PALS2: variants seen among roughly 807,000 people sequenced by gnomAD.
The protein encoded by PALS2 is protein associated with LIN7 2, MAGUK p55 family member.
A neutral mutation model predicts 61.6 loss-of-function variants in PALS2; 27 were observed. That is an observed-to-expected ratio of 0.44 (90% CI 0.32 to 0.60). The LOEUF (loss-of-function observed/expected upper bound fraction) is 0.60, where lower values mean the gene tolerates loss of function less well. Among genes scored for constraint, PALS2 ranks in the 20% least tolerant of loss-of-function variants. The pLI is 0.05. For missense variants in PALS2, 554 were observed against 639.4 expected (o/e 0.87, Z 1.44); for synonymous variants, 236 against 218.6 (o/e 1.08, Z -0.70).
At chr7:24,595,552 A>C (rs1377861966) in intron 1 of PALS2, among the ~76,000 whole-genome samples, 3 of 136,030 alleles carry the variant, frequency 2.2e-5, no homozygotes, top group Admixed American at 7.9e-5. Context: ...ATATAAATAT[A>C]TATTAACTAT....
intron 5 of PALS2, among the ~76,000 whole-genome samples, chr7:24,655,786 A>C (rs776998941): frequency 4.3e-4 from 66 of 151,866 alleles, no homozygotes; most frequent in Non-Finnish European, 7.4e-4. Context: ...TCAGCCTTCC[A>C]AGAAGCTGGG....
chr7:24,601,260 A>G (rs1783710600), intron 1 of PALS2, among the ~76,000 whole-genome samples: 1 of 152,190 alleles, frequency 6.6e-6, no homozygotes, highest in Non-Finnish European at 1.5e-5. Context: ...TAGCAGATCC[A>G]CTAGTAAATT....
chr7:24,577,341 T>C (rs1782677491), intron 1 of PALS2, among the ~76,000 whole-genome samples: 1 of 151,750 alleles, frequency 6.6e-6, no homozygotes, highest in South Asian at 2.1e-4. Flanking sequence ...CATCTCTGGC[T>C]AACTTTAGGA....
At chr7:24,590,541 A>G (rs1783243808) in intron 1 of PALS2, among the ~76,000 whole-genome samples, 1 of 151,882 alleles carries the variant, frequency 6.6e-6, no homozygotes, top group Non-Finnish European at 1.5e-5. Flanking sequence ...CTCAGGTGAT[A>G]TTTTTTTCTG....
intron 2 of PALS2, among the ~76,000 whole-genome samples, chr7:24,624,868 G>A (rs769497770): frequency 9.2e-5 from 14 of 151,898 alleles, no homozygotes; most frequent in African/African-American, 1.7e-4. Context: ...TTGGCCTCCT[G>A]GGATTACAGG....
rs76904821 is a variant in PALS2 at position 24,593,614 on chromosome 7, A to G, written c.-3+20021A>G. 3.1e-3 allele frequency among the ~76,000 whole-genome samples: 470 copies of G among 152,280 alleles called. 3 individuals carry two copies. Among genetic ancestry groups the G allele is most frequent in the African/African-American group, 0.01 (416 of 41,566 alleles). On this transcript the variant is annotated intron_variant, in intron 1 of 11. Coordinates refer to ENST00000222644, the MANE Select transcript of PALS2 (RefSeq NM_001303037.2). ...TGTTGTATTAGCAGGCATGAAAATA[A>G]CATTCATCTGCTGTGCATGTCTATC...
chr7:24,679,398 TCG>T (rs1787799029), intron 10 of PALS2, 65 bp downstream of exon 10: 1 of 1,546,118 alleles, frequency 6.5e-7, no homozygotes, highest in South Asian at 1.2e-5. Context: ...TTCATGTGTG[TCG>T]GGGTTGTTGG....
Position 24,690,868 on chromosome 7 carries a change from A to G in PALS2, c.*3254A>G, listed in dbSNP as rs1363946114. On this transcript the variant is annotated 3_prime_UTR_variant, in exon 12 of 12. Transcript: ENST00000222644. ...ATTAGTAGCCTAAATCCTAGATTCT[A>G]GAATCCAATAAATTTATAGTAGTTC... 1 of 152,174 alleles carries G rather than the reference A, an allele frequency of 6.6e-6. No homozygotes were observed. The highest frequency in any genetic ancestry group is 2.4e-5 in the African/African-American group (1 of 41,428). The allele number at this position is 152,174 out of a possible 1,614,324, so 9.4% of individuals were successfully genotyped here.
At chr7:24,667,045 T>G (rs933562869) in intron 8 of PALS2, 3 of 152,192 alleles carry the variant, frequency 2.0e-5, no homozygotes, top group Non-Finnish European at 4.4e-5. Flanking sequence ...AGGCTTGCTT[T>G]CTCTTAATAT....
At chr7:24,619,921 C>A (rs1784432155) in intron 1 of PALS2, 1 of 151,950 alleles carries the variant, frequency 6.6e-6, no homozygotes, top group South Asian at 2.1e-4. Flanking sequence ...TGGCTCCTAT[C>A]TTAACTTTGT....
At chr7:24,683,558 G>A (rs1031862502) in intron 11 of PALS2, among the ~76,000 whole-genome samples, 5 of 151,256 alleles carry the variant, frequency 3.3e-5, no homozygotes, top group Admixed American at 1.3e-4. Context: ...GTCTTGGATA[G>A]CTTCCTTGCT....
At chr7:24,615,491 A>G (rs767918753) in intron 1 of PALS2, among the ~76,000 whole-genome samples, 28 of 152,030 alleles carry the variant, frequency 1.8e-4, no homozygotes, top group Middle Eastern at 6.8e-3. Flanking sequence ...TCTAGAGAAA[A>G]TAGATAATAA....
At position 24,666,046 on chromosome 7, in the gene PALS2, C is replaced by CA. The variant is rs757450051; in HGVS notation, c.917dup (p.Lys307GlufsTer14). On this transcript the variant is annotated frameshift_variant, in exon 8 of 12. Coordinates refer to ENST00000222644, the MANE Select transcript of PALS2 (RefSeq NM_001303037.2). LOFTEE classifies it high-confidence loss of function. ...GACCTTTTTGTGGAACTATAAGTAG[C>CA]AAAAAAAAGAAAAAGATGATGTATC... 8.1e-6 allele frequency: 13 copies of CA among 1,606,260 alleles called. No individual in the cohort carries two copies. Among genetic ancestry groups the CA allele is most frequent in the Admixed American group, 1.7e-5 (1 of 59,454 alleles).
chr7:24,631,785 G>T lies in PALS2; in HGVS notation c.117+8001G>T, dbSNP rs1029114538. Among the ~76,000 whole-genome samples, 9 of 152,182 alleles carry T rather than the reference G, an allele frequency of 5.9e-5. 1 individual carries two copies. Among genetic ancestry groups the T allele is most frequent in the Admixed American group, 5.2e-4 (8 of 15,278 alleles). ...AGACAAGACCTTACACAGGCAAAAA[G>T]ATTTTGACTCTGTGAAGGCTCTGAT... On this transcript the variant is annotated intron_variant, in intron 2 of 11. Transcript: ENST00000222644.
rs1203986229 is a variant in PALS2, at chr7:24,573,819, G to C, written c.-3+226G>C. On this transcript the variant is annotated intron_variant, in intron 1 of 11. Coordinates refer to ENST00000222644, the MANE Select transcript of PALS2 (RefSeq NM_001303037.2). This position sits in a 1 kb window ranked among gnomAD's most constrained non-coding sequence, Gnocchi z 5.3. ...GGCCGCCCCCAGCCCGGCCCGCGCG[G>C]AAGGGGCGCTCGGCCGGGCTCCTGC... Among the ~76,000 whole-genome samples, 38 of 149,354 alleles carry C rather than the reference G, an allele frequency of 2.5e-4. No homozygotes were observed. Among genetic ancestry groups the C allele is most frequent in the Non-Finnish European group, 5.4e-4 (36 of 67,046 alleles).
rs976172155 is a variant in PALS2 at position 24,631,491 on chromosome 7, A to G, written c.117+7707A>G. On this transcript the variant is annotated intron_variant, in intron 2 of 11. Transcript: ENST00000222644. Reference sequence around the variant, plus strand: ...TCTATTCCTGGTGAAGATGCTGTGAAAATTGTTGAAATGATAACAAAGGAT... The same window carrying G: ...TCTATTCCTGGTGAAGATGCTGTGAGAATTGTTGAAATGATAACAAAGGAT... Among the ~76,000 whole-genome samples, 5 of 152,326 alleles carry G rather than the reference A, an allele frequency of 3.3e-5. No individual in the cohort carries two copies. In the Middle Eastern group the frequency reaches 0.01, roughly 311 times the overall value.
chr7:24,623,032 A>G (rs1784585670), intron 1 of PALS2, among the ~76,000 whole-genome samples: 1 of 151,896 alleles, frequency 6.6e-6, no homozygotes, highest in East Asian at 1.9e-4. Flanking sequence ...CTTGGCCATT[A>G]TGTACAATTG....
intron 1 of PALS2, among the ~76,000 whole-genome samples, chr7:24,579,939 T>C (rs1013267333): frequency 6.6e-6 from 1 of 152,146 alleles, no homozygotes; most frequent in African/African-American, 2.4e-5. Flanking sequence ...GATTAATATT[T>C]TTAAAAGATA....
intron 5 of PALS2, among the ~76,000 whole-genome samples, chr7:24,657,432 G>C (rs1166647331): frequency 6.6e-6 from 1 of 152,128 alleles, no homozygotes; most frequent in Non-Finnish European, 1.5e-5. Flanking sequence ...GTATCTCACT[G>C]TGATTTTAAT....
Sources: gnomAD v4.1 joint callset for allele counts (sites outside exome capture counted in the v4.1 genomes callset) on GRCh38, gnomAD v4.1.1 for gene constraint, Gnocchi (gnomAD v3.1) non-coding constraint, MANE v1.5 for transcripts, NCBI Gene and HGNC (gene_info 2026-07-23, HGNC 2026-07-21) for gene names.